The following GUCY1A2 variants were observed in gnomAD, a reference collection of about 807,000 sequenced individuals.
The protein encoded by GUCY1A2 is guanylate cyclase 1 soluble subunit alpha 2.
GUCY1A2 carries 27 observed loss-of-function variants against 63.5 expected under a neutral mutation model. The observed-to-expected ratio is 0.43, with a 90% CI of 0.31 to 0.59. The LOEUF (loss-of-function observed/expected upper bound fraction) is 0.59, where lower values mean the gene tolerates loss of function less well. GUCY1A2 is among the 20% of genes least tolerant of loss of function. The pLI is 0.11. For missense variants in GUCY1A2, 768 were observed against 913.3 expected, an observed-to-expected ratio of 0.84 and a Z score of 2.05; for synonymous variants, 364 against 343.5, an observed-to-expected ratio of 1.06 and a Z score of -0.66.
intron 5 of GUCY1A2, among the ~76,000 whole-genome samples, chr11:106,780,819 T>C (rs1864445811): frequency 6.6e-6 from 1 of 152,222 alleles, no homozygotes; most frequent in African/African-American, 2.4e-5. Flanking sequence ...ATTTTTTTTC[T>C]TTCCAGATAT....
chr11:106,944,472 T>G (rs1555052829), intron 3 of GUCY1A2, among the ~76,000 whole-genome samples: 1 of 151,612 alleles, frequency 6.6e-6, no homozygotes, highest in Non-Finnish European at 1.5e-5. Context: ...AGAGTGTAAA[T>G]GTCAGGAAGC....
At chr11:106,759,966 G>C (rs1184647119) in intron 6 of GUCY1A2, among the ~76,000 whole-genome samples, 4 of 152,152 alleles carry the variant, frequency 2.6e-5, no homozygotes, top group Non-Finnish European at 4.4e-5. Context: ...TCTGGACACA[G>C]ATACATCCAT....
At chr11:106,911,023 T>C (rs1333270098) in intron 4 of GUCY1A2, among the ~76,000 whole-genome samples, 1 of 151,794 alleles carries the variant, frequency 6.6e-6, no homozygotes, top group African/African-American at 2.4e-5. Flanking sequence ...ACATACATTC[T>C]AGCACATAGT....
At chr11:106,806,764 T>C (rs984031006) in intron 5 of GUCY1A2, among the ~76,000 whole-genome samples, 1 of 152,206 alleles carries the variant, frequency 6.6e-6, no homozygotes, top group African/African-American at 2.4e-5. Flanking sequence ...AAGGCTTTCA[T>C]TTTCTCAGTG....
intron 4 of GUCY1A2, among the ~76,000 whole-genome samples, chr11:106,900,248 A>G (rs1565325357): frequency 6.6e-6 from 1 of 152,148 alleles, no homozygotes; most frequent in African/African-American, 2.4e-5. Context: ...CAGCGGCACT[A>G]TATCTGCTCC....
At chr11:106,720,000 A>G (rs1454461351) in intron 6 of GUCY1A2, among the ~76,000 whole-genome samples, 2 of 152,218 alleles carry the variant, frequency 1.3e-5, no homozygotes, top group Non-Finnish European at 2.9e-5. Flanking sequence ...AGGAAACACA[A>G]TATTCCATTT....
chr11:106,997,347 G>A (rs899356945), intron 1 of GUCY1A2, among the ~76,000 whole-genome samples: 1 of 152,106 alleles, frequency 6.6e-6, no homozygotes, highest in African/African-American at 2.4e-5. Flanking sequence ...CAGTATCAGT[G>A]GCTTTTGTCA....
chr11:106,714,206 T>C (rs549275657), intron 6 of GUCY1A2, among the ~76,000 whole-genome samples: 1 of 151,608 alleles, frequency 6.6e-6, no homozygotes, highest in African/African-American at 2.4e-5. Flanking sequence ...GGGCAGAGGG[T>C]CATAGAGAGG....
chr11:106,808,626 T>TAAAAC (rs1045035218), intron 5 of GUCY1A2, among the ~76,000 whole-genome samples: 23 of 141,534 alleles, frequency 1.6e-4, no homozygotes, highest in African/African-American at 5.5e-4. Context: ...AACTTAGGGC[T>TAAAAC]AAAACAAAAC....
At position 106,682,665 on chromosome 11, in the gene GUCY1A2, A is replaced by C; in HGVS notation, c.*4884T>G. The C allele has an allele frequency of 9.5e-6, 2 of 211,496 alleles. No individual in the cohort carries two copies. The highest frequency in any genetic ancestry group is 1.9e-5 in the Non-Finnish European group (2 of 104,170). 13.1% of individuals were successfully genotyped at this position (211,496 alleles called of 1,614,324 possible). On this transcript the variant is annotated 3_prime_UTR_variant, in exon 8 of 8. Transcript: ENST00000526355. ...CCTTCCAAAGAAACTTACTTCTTTC[A>C]ATCATGAAACATCTACATTCAATAA...
At chr11:106,796,491 A>G (rs1162731194) in intron 5 of GUCY1A2, among the ~76,000 whole-genome samples, 2 of 151,872 alleles carry the variant, frequency 1.3e-5, no homozygotes, top group Non-Finnish European at 2.9e-5. Context: ...ATGTCTCAGC[A>G]TTTGCTTGTC....
At chr11:106,746,642 G>T (rs1271660786) in intron 6 of GUCY1A2, 1 of 1,574,438 alleles carries the variant, frequency 6.4e-7, no homozygotes, top group Non-Finnish European at 8.6e-7. Context: ...ACTCCTCTGG[G>T]GCTTGAAAAG....
At chr11:106,976,810 T>C (rs1861269057) in intron 3 of GUCY1A2, among the ~76,000 whole-genome samples, 1 of 152,196 alleles carries the variant, frequency 6.6e-6, no homozygotes, top group Non-Finnish European at 1.5e-5. Flanking sequence ...AACACTGCAC[T>C]CACCCTAATG....
intron 4 of GUCY1A2, among the ~76,000 whole-genome samples, chr11:106,817,746 T>C (rs76599401): frequency 6.6e-6 from 1 of 151,794 alleles, no homozygotes; most frequent in East Asian, 1.9e-4. Context: ...ATGAAAAAAA[T>C]GTCCAACATC....
intron 4 of GUCY1A2, among the ~76,000 whole-genome samples, chr11:106,874,008 C>T (rs1859715700): frequency 6.6e-6 from 1 of 152,088 alleles, no homozygotes; most frequent in African/African-American, 2.4e-5. Context: ...CTTTCTGGAA[C>T]CTCTGATATA....
intron 6 of GUCY1A2, among the ~76,000 whole-genome samples, chr11:106,768,195 A>G (rs930099346): frequency 3.3e-5 from 5 of 152,168 alleles, no homozygotes; most frequent in African/African-American, 1.2e-4. Flanking sequence ...GCTGTCCAGC[A>G]CAGGCTGGTG....
At chr11:106,828,918 T>A (rs1359233895) in intron 4 of GUCY1A2, among the ~76,000 whole-genome samples, 1 of 152,222 alleles carries the variant, frequency 6.6e-6, no homozygotes, top group Non-Finnish European at 1.5e-5. Context: ...TTTTAACAAC[T>A]TTATTAATGA....
At chr11:106,926,559 C>A (rs1860525145) in intron 4 of GUCY1A2, among the ~76,000 whole-genome samples, 1 of 152,050 alleles carries the variant, frequency 6.6e-6, no homozygotes, top group Non-Finnish European at 1.5e-5. Context: ...TGAATCATCT[C>A]TTCCCCTTAG....
At chr11:106,716,015 C>A (rs1289690354) in intron 6 of GUCY1A2, among the ~76,000 whole-genome samples, 2 of 152,132 alleles carry the variant, frequency 1.3e-5, no homozygotes, top group Admixed American at 6.6e-5. Context: ...TCAATGCTTC[C>A]CCACCTTTGG....
Sources: allele counts gnomAD v4.1 joint callset (sites outside exome capture counted in the v4.1 genomes callset), GRCh38; gene constraint gnomAD v4.1.1; transcripts MANE v1.5; gene names NCBI Gene and HGNC (gene_info 2026-07-23, HGNC 2026-07-21).